The following FBXO11 variants were observed in gnomAD, a reference collection of about 807,000 sequenced individuals.
FBXO11 encodes the protein F-box protein 11.
FBXO11 carries 13 observed loss-of-function variants against 117.0 expected under a neutral mutation model. The observed-to-expected ratio is 0.11, with a 90% CI of 0.07 to 0.18. The LOEUF is 0.18. FBXO11 is among the 10% of genes least tolerant of loss of function. The probability of loss-of-function intolerance (pLI) is 1.00; values close to 1 mark genes in which losing one functional copy is unlikely to be tolerated. For missense variants in FBXO11, 767 were observed against 1,164.4 expected, an observed-to-expected ratio of 0.66 and a Z score of 4.97; for synonymous variants, 490 against 380.5, an observed-to-expected ratio of 1.29 and a Z score of -3.35.
At chr2:47,827,132 G>T (rs1671814002) in intron 11 of FBXO11, among the ~76,000 whole-genome samples, 1 of 152,160 alleles carries the variant, frequency 6.6e-6, no homozygotes, top group South Asian at 2.1e-4. Context: ...AAATAAAGCA[G>T]CAAAAAGTTT....
At chr2:47,833,411 T>C (rs1398794339) in intron 7 of FBXO11, among the ~76,000 whole-genome samples, 1 of 152,192 alleles carries the variant, frequency 6.6e-6, no homozygotes, top group Non-Finnish European at 1.5e-5. Flanking sequence ...GAGACCTCTA[T>C]TTAAATTTAT....
chr2:47,893,178 A>ATAAATAAATAAATATC (rs143235143), intron 1 of FBXO11, among the ~76,000 whole-genome samples: 1 of 151,960 alleles, frequency 6.6e-6, no homozygotes, highest in Non-Finnish European at 1.5e-5. Context: ...AAATAAATAA[A>ATAAATAAATAAATATC]TAAATAAATG....
chr2:47,809,149 C>A lies in FBXO11; in HGVS notation c.2555+9G>T. The A allele has an allele frequency of 6.7e-7, 1 of 1,491,070 alleles. No homozygotes were observed. Among genetic ancestry groups the A allele is most frequent in the East Asian group, 2.3e-5 (1 of 43,608 alleles). The allele number at this position is 1,491,070 out of a possible 1,614,324, so 92.4% of individuals were successfully genotyped here. Reference sequence around the variant, plus strand: ...CTCTTTTCAGGACTCAAATATATTTCTAAGTTACCTGTAGAAATCATGCAT... The same window carrying A: ...CTCTTTTCAGGACTCAAATATATTTATAAGTTACCTGTAGAAATCATGCAT... On this transcript the variant is annotated intron_variant, in intron 21 of 22. Coordinates refer to ENST00000403359, the MANE Select transcript of FBXO11 (RefSeq NM_001190274.2).
At chr2:47,902,836 A>G (rs1026194281) in intron 1 of FBXO11, among the ~76,000 whole-genome samples, 1 of 152,108 alleles carries the variant, frequency 6.6e-6, no homozygotes, top group African/African-American at 2.4e-5. Flanking sequence ...CCCTATCTGG[A>G]AAGTTGTCTG....
intron 1 of FBXO11, among the ~76,000 whole-genome samples, chr2:47,850,924 A>C (rs941267476): frequency 6.6e-6 from 1 of 152,206 alleles, no homozygotes; most frequent in Non-Finnish European, 1.5e-5. Context: ...TTCACGTTCA[A>C]TATTTCCTAA....
Position 47,808,063 on chromosome 2 carries a change from A to C in FBXO11, c.*55T>G. ...AAATATTTTAAATCTTCTTCCAAAA[A>C]AGTGTTTTAAGTTATGATGTTACAA... On this transcript the variant is annotated 3_prime_UTR_variant, in exon 23 of 23. Coordinates refer to ENST00000403359, the MANE Select transcript of FBXO11 (RefSeq NM_001190274.2). 1 of 1,464,558 alleles carries C rather than the reference A, an allele frequency of 6.8e-7. No homozygotes were observed. The highest frequency in any genetic ancestry group is 9.3e-7 in the Non-Finnish European group (1 of 1,070,888). 90.7% of individuals were successfully genotyped at this position (1,464,558 alleles called of 1,614,324 possible). A position where few individuals can be genotyped will look rare whatever the true frequency, so the allele number is the denominator to read the frequency against.
At chr2:47,850,443 G>A (rs997843921) in intron 1 of FBXO11, among the ~76,000 whole-genome samples, 1 of 152,136 alleles carries the variant, frequency 6.6e-6, no homozygotes, top group Admixed American at 6.6e-5. Context: ...TAGGAATGGG[G>A]AGTCAGAAAG....
chr2:47,859,269 G>T (rs1348958423), intron 1 of FBXO11, among the ~76,000 whole-genome samples: 1 of 151,728 alleles, frequency 6.6e-6, no homozygotes, highest in Non-Finnish European at 1.5e-5. Flanking sequence ...CTAATCTGAA[G>T]ATCATCCAGA....
intron 11 of FBXO11, among the ~76,000 whole-genome samples, chr2:47,824,604 A>T (rs561503511): frequency 2.0e-5 from 3 of 152,356 alleles, no homozygotes; most frequent in East Asian, 3.9e-4. Context: ...TTGAAGACTT[A>T]GGTTCATCCT....
At chr2:47,837,424 G>T (rs1471997031) in intron 4 of FBXO11, among the ~76,000 whole-genome samples, 1 of 152,176 alleles carries the variant, frequency 6.6e-6, no homozygotes, top group Admixed American at 6.5e-5. Flanking sequence ...CTACTCAGGA[G>T]GCTGAGGCAG....
intron 1 of FBXO11, among the ~76,000 whole-genome samples, chr2:47,900,682 A>G (rs1443918937): frequency 5.6e-5 from 6 of 107,546 alleles, no homozygotes; most frequent in Non-Finnish European, 1.1e-4. Context: ...ATACACACGT[A>G]TACACACACG....
chr2:47,813,148 T>C lies in FBXO11; in HGVS notation c.2227+86A>G, dbSNP rs770813843. On this transcript the variant is annotated intron_variant, in intron 18 of 22. Transcript: ENST00000403359. The stretch of plus-strand genomic sequence containing the variant: ...GACTTGAGATTCACTCATTTATAAC[T>C]TAGTTAGCAATGTCATTGATCATTA... The C allele has an allele frequency of 6.8e-6, 9 of 1,317,886 alleles. No individual in the cohort carries two copies. In the East Asian group the frequency reaches 2.1e-4, roughly 31 times the overall value. The allele number at this position is 1,317,886 out of a possible 1,614,324, so 81.6% of individuals were successfully genotyped here.
chr2:47,877,397 T>C (rs975922815), intron 1 of FBXO11, among the ~76,000 whole-genome samples: 2 of 152,230 alleles, frequency 1.3e-5, no homozygotes, highest in African/African-American at 4.8e-5. Context: ...AAACATACTA[T>C]AAATACTGTT....
intron 1 of FBXO11, among the ~76,000 whole-genome samples, chr2:47,893,386 T>C (rs1419197160): frequency 6.6e-6 from 1 of 152,116 alleles, no homozygotes; most frequent in African/African-American, 2.4e-5. Context: ...ACTGGAGATA[T>C]AAGGATAAAC....
intron 18 of FBXO11, chr2:47,812,998 A>G (rs1295495131): frequency 7.8e-6 from 4 of 514,700 alleles, no homozygotes; most frequent in East Asian, 7.2e-5. Flanking sequence ...AACAAATTCT[A>G]TCTTTAAAAA....
chr2:47,859,553 A>G (rs1385388532), intron 1 of FBXO11, among the ~76,000 whole-genome samples: 1 of 152,242 alleles, frequency 6.6e-6, no homozygotes, highest in Non-Finnish European at 1.5e-5. Flanking sequence ...CCATAAATGG[A>G]TGAGACCTCA....
intron 17 of FBXO11, 128 bp from the exon 18 acceptor site, chr2:47,813,505 C>T (rs1670781430): frequency 4.9e-6 from 3 of 617,592 alleles, no homozygotes; most frequent in Non-Finnish European, 7.4e-6. Flanking sequence ...GATCTTGGCT[C>T]ACTGCAACCT....
chr2:47,858,081 G>GA (rs952311736), intron 1 of FBXO11, among the ~76,000 whole-genome samples: 6 of 150,552 alleles, frequency 4.0e-5, no homozygotes, highest in Non-Finnish European at 7.4e-5. Context: ...GCGTAAACTA[G>GA]AAAAAAAAAT....
chr2:47,855,915 G>C (rs1674259515), intron 1 of FBXO11, among the ~76,000 whole-genome samples: 1 of 151,372 alleles, frequency 6.6e-6, no homozygotes, highest in Non-Finnish European at 1.5e-5. Flanking sequence ...ATATAGATGA[G>C]CCTACAACAG....
Sources: gnomAD v4.1 joint callset for allele counts (sites outside exome capture counted in the v4.1 genomes callset) on GRCh38, gnomAD v4.1.1 for gene constraint, MANE v1.5 for transcripts, NCBI Gene and HGNC (gene_info 2026-07-23, HGNC 2026-07-21) for gene names.